The following PAM variants were observed in gnomAD, a reference collection of about 807,000 sequenced individuals.
PAM encodes peptidyl-glycine alpha-amidating monooxygenase.
Under a neutral mutation model 122.1 loss-of-function variants are expected in PAM, and 72 were observed. That is an observed-to-expected ratio of 0.59 (90% CI 0.49 to 0.72). PAM has a LOEUF of 0.72. Among genes scored for constraint, PAM ranks in the 30% least tolerant of loss-of-function variants. PAM has a pLI of 0.00. For missense variants in PAM, 1,106 were observed against 1,183.7 expected, an observed-to-expected ratio of 0.93 and a Z score of 0.96; for synonymous variants, 389 against 404.4, an observed-to-expected ratio of 0.96 and a Z score of 0.46.
rs998703324 is a variant in PAM at position 102,865,979 on chromosome 5, G to T, written c.-217G>T. 1 of 444,620 alleles carries T rather than the reference G, an allele frequency of 2.2e-6. No homozygotes were observed. Among genetic ancestry groups the T allele is most frequent in the Non-Finnish European group, 3.9e-6 (1 of 255,716 alleles). 27.5% of individuals were successfully genotyped at this position (444,620 alleles called of 1,614,324 possible). On this transcript the variant is annotated 5_prime_UTR_variant, in exon 2 of 26. Transcript: ENST00000438793. ...CGCCTGCGGGCCGGACAAAAGTCCC[G>T]CCTGCCCACGGCTTTTTGCCCGCCG...
At chr5:102,799,834 CTCT>C (rs1330089097) in intron 1 of PAM, among the ~76,000 whole-genome samples, 1 of 152,108 alleles carries the variant, frequency 6.6e-6, no homozygotes, top group African/African-American at 2.4e-5. Context: ...CCCGTCTTTT[CTCT>C]TCTTTCTATT....
intron 15 of PAM, among the ~76,000 whole-genome samples, chr5:102,979,663 A>C (rs1769063252): frequency 6.6e-6 from 1 of 152,100 alleles, no homozygotes; most frequent in Non-Finnish European, 1.5e-5. Context: ...CAGATAAATG[A>C]ATGCCCTTTC....
rs1465481937 is a variant in PAM at position 103,029,144 on chromosome 5, G to A, written c.*79G>A. On this transcript the variant is annotated 3_prime_UTR_variant, in exon 26 of 26. Transcript: ENST00000438793. ...TTCCCTTTAGCACGTTTAAAGTTCT[G>A]TGTATTTAATTGTAAACTGTACTAG... The A allele has an allele frequency of 2.5e-6, 3 of 1,206,834 alleles. No individual in the cohort carries two copies. The highest frequency in any genetic ancestry group is 2.4e-5 in the East Asian group (1 of 41,844). 74.8% of individuals were successfully genotyped at this position (1,206,834 alleles called of 1,614,324 possible).
chr5:102,945,844 A>G (rs1756866078), intron 7 of PAM, among the ~76,000 whole-genome samples: 1 of 152,138 alleles, frequency 6.6e-6, no homozygotes, highest in Non-Finnish European at 1.5e-5. Flanking sequence ...ATTGCAATAA[A>G]CGTTTTAACT....
At chr5:103,013,603 C>T (rs975936800) in intron 21 of PAM, among the ~76,000 whole-genome samples, 4 of 151,950 alleles carry the variant, frequency 2.6e-5, no homozygotes, top group African/African-American at 7.3e-5. Flanking sequence ...TGTTGAGTAA[C>T]GGTGGTAAAA....
At chr5:102,992,415 A>G (rs1449568506) in intron 16 of PAM, among the ~76,000 whole-genome samples, 1 of 151,526 alleles carries the variant, frequency 6.6e-6, no homozygotes, top group African/African-American at 2.4e-5. Context: ...TTTGCAATCC[A>G]TGGTTGTAAA....
At chr5:102,783,597 C>A (rs1385707919) in intron 1 of PAM, among the ~76,000 whole-genome samples, 1 of 152,166 alleles carries the variant, frequency 6.6e-6, no homozygotes, top group Admixed American at 6.5e-5. Flanking sequence ...CAAATTCAGT[C>A]TCAGTACAAT....
intron 1 of PAM, among the ~76,000 whole-genome samples, chr5:102,818,268 A>T (rs1054293745): frequency 6.6e-6 from 1 of 152,086 alleles, no homozygotes; most frequent in Non-Finnish European, 1.5e-5. Flanking sequence ...TAGCAACATA[A>T]CAAAGAGTAT....
chr5:102,987,851 T>G (rs1772431616), intron 15 of PAM, among the ~76,000 whole-genome samples: 1 of 152,174 alleles, frequency 6.6e-6, no homozygotes, highest in Admixed American at 6.5e-5. Context: ...TCTGCCCACC[T>G]TCTCTCCAAA....
chr5:102,933,519 C>T (rs933840540), intron 7 of PAM, among the ~76,000 whole-genome samples: 5 of 152,222 alleles, frequency 3.3e-5, no homozygotes, highest in African/African-American at 1.2e-4. Flanking sequence ...GGTGGATATT[C>T]CTGAACACAG....
At chr5:102,848,479 A>G (rs1385734206) in intron 1 of PAM, among the ~76,000 whole-genome samples, 2 of 152,208 alleles carry the variant, frequency 1.3e-5, no homozygotes, top group Admixed American at 6.5e-5. Flanking sequence ...ATACTGACTT[A>G]TGAGCGTCCC....
At chr5:102,756,901 C>A (rs2149618261) in intron 1 of PAM, among the ~76,000 whole-genome samples, 1 of 152,286 alleles carries the variant, frequency 6.6e-6, no homozygotes, top group Non-Finnish European at 1.5e-5. Context: ...GAGTATGTTC[C>A]TTGTCCTGAA....
At chr5:102,921,152 T>C (rs1344367375) in intron 5 of PAM, among the ~76,000 whole-genome samples, 1 of 152,120 alleles carries the variant, frequency 6.6e-6, no homozygotes, top group Non-Finnish European at 1.5e-5. Context: ...TTTAATCGAC[T>C]TAGTCTGGAG....
At position 102,804,040 on chromosome 5, in the gene PAM, G is replaced by A. The variant is rs1765583995; in HGVS notation, c.-374+48692G>A. 2.0e-5 allele frequency among the ~76,000 whole-genome samples: 3 copies of A among 152,240 alleles called. No individual in the cohort carries two copies. In the South Asian group the frequency reaches 6.2e-4, roughly 32 times the overall value. ...CAGGAGAAGTGTGAGGGTTGCAGGG[G>A]GGGATGGGGAGATAGATGTGGAATT... On this transcript the variant is annotated intron_variant, in intron 1 of 25. Coordinates refer to ENST00000438793, the MANE Select transcript of PAM (RefSeq NM_001177306.2).
chr5:102,933,584 A>G (rs920941265), intron 7 of PAM, among the ~76,000 whole-genome samples: 6 of 152,226 alleles, frequency 3.9e-5, no homozygotes, highest in Admixed American at 3.9e-4. Flanking sequence ...AAGGGTTCCT[A>G]CCTAACCACA....
intron 12 of PAM, among the ~76,000 whole-genome samples, chr5:102,955,885 T>C (rs1401173819): frequency 6.6e-6 from 1 of 152,022 alleles, no homozygotes; most frequent in Non-Finnish European, 1.5e-5. Flanking sequence ...ATGAGATTTT[T>C]TGTTTTTGAA....
intron 22 of PAM, among the ~76,000 whole-genome samples, chr5:103,019,228 T>C (rs1047538116): frequency 9.9e-5 from 15 of 152,140 alleles, no homozygotes; most frequent in African/African-American, 3.6e-4. Context: ...TTTTAGAAAG[T>C]CCTCCCAAGT....
intron 15 of PAM, among the ~76,000 whole-genome samples, chr5:102,981,529 G>A (rs1337702544): frequency 6.6e-6 from 1 of 151,530 alleles, no homozygotes; most frequent in African/African-American, 2.5e-5. Flanking sequence ...CCATAAACAA[G>A]TAGAGACTAA....
At chr5:102,977,656 G>GCACA (rs1491382158) in intron 15 of PAM, among the ~76,000 whole-genome samples, 3 of 112,980 alleles carry the variant, frequency 2.7e-5, no homozygotes, top group South Asian at 3.0e-4. Flanking sequence ...ACATGCATGT[G>GCACA]CGCACACACA....
Sources: gnomAD v4.1 joint callset for allele counts (sites outside exome capture counted in the v4.1 genomes callset) on GRCh38, gnomAD v4.1.1 for gene constraint, MANE v1.5 for transcripts, NCBI Gene and HGNC (gene_info 2026-07-23, HGNC 2026-07-21) for gene names.